POU6F2: variants seen among roughly 807,000 people sequenced by gnomAD.
POU6F2 encodes POU class 6 homeobox 2.
A neutral mutation model predicts 71.3 loss-of-function variants in POU6F2; 31 were observed. That is an observed-to-expected ratio of 0.43 (90% CI 0.33 to 0.59). The LOEUF (loss-of-function observed/expected upper bound fraction) is 0.59. Ranked by LOEUF, POU6F2 falls within the 20% of genes least tolerant of loss-of-function variation. The probability of loss-of-function intolerance (pLI) is 0.04; values close to 1 mark genes in which losing one functional copy is unlikely to be tolerated. For synonymous variants in POU6F2, 347 were observed against 355.7 expected (o/e 0.98, Z 0.27); for missense variants, 783 against 856.8 (o/e 0.91, Z 1.07).
chr7:39,323,504 A>G (rs1785441949), intron 4 of POU6F2, among the ~76,000 whole-genome samples: 1 of 152,150 alleles, frequency 6.6e-6, no homozygotes, highest in Non-Finnish European at 1.5e-5. Flanking sequence ...ATGGCCATGC[A>G]CCATCAGCTT....
At chr7:39,192,896 A>G (rs753896063) in intron 2 of POU6F2, among the ~76,000 whole-genome samples, 1 of 152,180 alleles carries the variant, frequency 6.6e-6, no homozygotes. Flanking sequence ...AGGAAACAAG[A>G]AAGGGAGGAG....
At chr7:39,453,605 A>T (rs1381237390) in intron 8 of POU6F2, among the ~76,000 whole-genome samples, 1 of 152,248 alleles carries the variant, frequency 6.6e-6, no homozygotes, top group Non-Finnish European at 1.5e-5. Flanking sequence ...CAGACAGCAG[A>T]CAGTCAGATG....
chr7:39,389,832 C>T (rs1787027900), intron 5 of POU6F2, among the ~76,000 whole-genome samples: 1 of 152,110 alleles, frequency 6.6e-6, no homozygotes. Flanking sequence ...GCAAGTCAGC[C>T]ACAGATCCAG....
chr7:39,006,399 G>A (rs1272181688), intron 1 of POU6F2, among the ~76,000 whole-genome samples: 4 of 152,044 alleles, frequency 2.6e-5, no homozygotes, highest in African/African-American at 9.7e-5. Flanking sequence ...GGGAGGCGGA[G>A]GTTGCAGTGA....
At chr7:39,102,291 T>C (rs891001264) in intron 2 of POU6F2, among the ~76,000 whole-genome samples, 10 of 152,204 alleles carry the variant, frequency 6.6e-5, no homozygotes, top group African/African-American at 2.4e-4. Flanking sequence ...CTGGCTAAGC[T>C]TTTTGATTTC....
At chr7:38,983,997 T>C (rs1021968273) in intron 1 of POU6F2, among the ~76,000 whole-genome samples, 3 of 152,094 alleles carry the variant, frequency 2.0e-5, no homozygotes, top group Non-Finnish European at 4.4e-5. Flanking sequence ...AGACAGACAT[T>C]AGCTGTTGAT....
At chr7:39,155,715 C>T (rs951946134) in intron 2 of POU6F2, among the ~76,000 whole-genome samples, 2 of 152,106 alleles carry the variant, frequency 1.3e-5, no homozygotes, top group African/African-American at 4.8e-5. Flanking sequence ...TTATAATTTA[C>T]ATTATAATTC....
At chr7:39,389,084 T>C (rs142149196) in intron 5 of POU6F2, among the ~76,000 whole-genome samples, 83 of 152,334 alleles carry the variant, frequency 5.4e-4, no homozygotes, top group African/African-American at 1.9e-3. Flanking sequence ...GTATTGGTCA[T>C]AGTGTTACTA....
chr7:39,326,812 A>G (rs1425824239), intron 4 of POU6F2, among the ~76,000 whole-genome samples: 3 of 152,208 alleles, frequency 2.0e-5, no homozygotes, highest in Non-Finnish European at 4.4e-5. Context: ...CATAACAATG[A>G]TGCTTTCCCA....
At chr7:39,119,604 G>C (rs1430307848) in intron 2 of POU6F2, among the ~76,000 whole-genome samples, 3 of 152,128 alleles carry the variant, frequency 2.0e-5, no homozygotes, top group Admixed American at 6.6e-5. Flanking sequence ...TGGCAAGCCT[G>C]TTATTTAGAA....
In POU6F2 at chr7:39,112,976, A is replaced by C. The variant is rs569976784; in HGVS notation, c.277+26945A>C. ...AATTTTAATTGCATTTTTACAAAAA[A>C]AAAATTATTTCCAGAGACCAGAAAA... is the stretch of plus-strand genomic sequence containing the variant. On this transcript the variant is annotated intron_variant, in intron 2 of 9. Transcript: ENST00000518318. Among the ~76,000 whole-genome samples the C allele has an allele frequency of 2.6e-5, 4 of 152,320 alleles. No individual in the cohort carries two copies. In the South Asian group the frequency reaches 8.3e-4, roughly 32 times the overall value.
At position 39,418,895 on chromosome 7, in the gene POU6F2, ATG is replaced by A. The variant is rs202230919; in HGVS notation, c.1113+12169_1113+12170del. 7.0e-3 allele frequency among the ~76,000 whole-genome samples: 1,020 copies of A among 146,094 alleles called. 15 individuals carry two copies. Among genetic ancestry groups the A allele is most frequent in the South Asian group, 0.027 (127 of 4,628 alleles). Reference sequence around the variant, plus strand: ...ATTTCATAAATATAGTGCTCTCTTCATGTGTGTGTGTGTGTATATATATATGT... The same window carrying A: ...ATTTCATAAATATAGTGCTCTCTTCATGTGTGTGTGTGTATATATATATGT... On this transcript the variant is annotated intron_variant, in intron 6 of 9. Coordinates refer to ENST00000518318, the MANE Select transcript of POU6F2 (RefSeq NM_001370959.1).
At chr7:39,293,286 G>A (rs1173142004) in intron 4 of POU6F2, among the ~76,000 whole-genome samples, 1 of 152,070 alleles carries the variant, frequency 6.6e-6, no homozygotes, top group East Asian at 1.9e-4. Flanking sequence ...AGGTGTTTCC[G>A]GGCTGTGTGT....
intron 7 of POU6F2, among the ~76,000 whole-genome samples, chr7:39,437,470 C>A (rs968285855): frequency 6.6e-5 from 10 of 151,952 alleles, no homozygotes; most frequent in Middle Eastern, 3.2e-3. Context: ...TGGTGATATC[C>A]CCTTTATCAC....
intron 1 of POU6F2, among the ~76,000 whole-genome samples, chr7:39,037,082 C>G (rs1379807892): frequency 6.6e-6 from 1 of 151,918 alleles, no homozygotes; most frequent in African/African-American, 2.4e-5. Context: ...TTGAGAGACT[C>G]AGTTGCTGTT....
intron 4 of POU6F2, among the ~76,000 whole-genome samples, chr7:39,243,346 C>A (rs1003186422): frequency 2.0e-5 from 3 of 152,140 alleles, no homozygotes; most frequent in Middle Eastern, 3.4e-3. Flanking sequence ...TGGGGACATA[C>A]CTCCACTGCA....
chr7:39,352,908 G>C (rs73386415), intron 5 of POU6F2, among the ~76,000 whole-genome samples: 4,660 of 152,156 alleles, frequency 0.031, 218 homozygotes, highest in African/African-American at 0.1. Flanking sequence ...TTCCTACCCA[G>C]CCACCTTTGG....
chr7:39,160,073 G>A (rs1461106781), intron 2 of POU6F2, among the ~76,000 whole-genome samples: 6 of 152,162 alleles, frequency 3.9e-5, no homozygotes, highest in Non-Finnish European at 8.8e-5. Context: ...TGGGAAGTAC[G>A]AGTTGAAGAA....
intron 5 of POU6F2, among the ~76,000 whole-genome samples, chr7:39,387,080 AC>A (rs1786961824): frequency 6.6e-6 from 1 of 152,138 alleles, no homozygotes; most frequent in Non-Finnish European, 1.5e-5. Flanking sequence ...GCCATGCAGC[AC>A]CCCGTGCTGG....
Sources: allele counts gnomAD v4.1 joint callset (sites outside exome capture counted in the v4.1 genomes callset), GRCh38; gene constraint gnomAD v4.1.1; transcripts MANE v1.5; gene names NCBI Gene and HGNC (gene_info 2026-07-23, HGNC 2026-07-21).